ADAMTS13: variants seen among roughly 807,000 people sequenced by gnomAD.
The protein encoded by ADAMTS13 is A disintegrin and metalloproteinase with thrombospondin motifs 13.
A neutral mutation model predicts 155.1 loss-of-function variants in ADAMTS13; 110 were observed. The ratio of observed to expected loss-of-function variants is 0.71; its 90% CI spans 0.61 to 0.83. ADAMTS13 has a LOEUF of 0.83. Ranked by LOEUF, ADAMTS13 falls within the 40% of genes least tolerant of loss-of-function variation. The pLI, the probability that ADAMTS13 is intolerant of heterozygous loss-of-function variation, is 0.00. For synonymous variants in ADAMTS13, 758 were observed against 756.4 expected (o/e 1.00, Z -0.03); for missense variants, 1,707 against 1,891.7 (o/e 0.90, Z 1.81).
At chr9:133,448,755 C>G (rs782186092) in intron 22 of ADAMTS13, 27 bp downstream of exon 22, 25 of 1,596,022 alleles carry the variant, frequency 1.6e-5, no homozygotes, top group Non-Finnish European at 2.0e-5. Context: ...AGACTGTGTG[C>G]TGGCCTTCTC....
chr9:133,426,314 G>C lies in ADAMTS13; in HGVS notation c.655G>C (p.Gly219Arg). 6.2e-7 allele frequency: 1 copy of C among 1,604,244 alleles called. No individual in the cohort carries two copies. Among genetic ancestry groups the C allele is most frequent in the Non-Finnish European group, 8.5e-7 (1 of 1,179,964 alleles). The part of the protein sequence containing the change: ...LITEDTGFDL[G>R]VTIAHEIGHS... ...TACCGAGGACACTGGCTTCGACCTG[G>C]GAGTCACCATTGCCCATGAGATTGG... Residue 219 changes from glycine (G) to arginine (R), a missense_variant, in exon 6 of 29, where the codon GGA becomes CGA. Coordinates refer to ENST00000355699, the MANE Select transcript of ADAMTS13 (RefSeq NM_139027.6).
chr9:133,448,860 T>G, intron 22 of ADAMTS13, 132 bp downstream of exon 22: 3 of 1,400,642 alleles, frequency 2.1e-6, no homozygotes, highest in Non-Finnish European at 2.9e-6. Context: ...GGCTGGACCA[T>G]GGCCGCCCCA....
chr9:133,455,182 C>CTT, intron 24 of ADAMTS13, 103 bp from the exon 25 acceptor site: 2 of 1,324,558 alleles, frequency 1.5e-6, no homozygotes, highest in Non-Finnish European at 2.1e-6. Flanking sequence ...TGCCTCCCAG[C>CTT]TTGTACAAGG....
Position 133,437,030 on chromosome 9 carries a change from G to T in ADAMTS13, c.1435+75G>T, listed in dbSNP as rs1342751397. 10 of 1,523,592 alleles carry T rather than the reference G, an allele frequency of 6.6e-6. No individual in the cohort carries two copies. In the Admixed American group the frequency reaches 1.6e-4, roughly 24 times the overall value. 94.4% of individuals were successfully genotyped at this position (1,523,592 alleles called of 1,614,324 possible). ...CTCGGACAGGGCAGAGTCATAGGGG[G>T]GTTGGCCTACTATCCCTCCAGCACT... On this transcript the variant is annotated intron_variant, in intron 12 of 28. Coordinates refer to ENST00000355699, the MANE Select transcript of ADAMTS13 (RefSeq NM_139027.6).
rs1184038897 is a variant in ADAMTS13 at position 133,441,992 on chromosome 9, A to G, written c.1969-407A>G. On this transcript the variant is annotated intron_variant, in intron 16 of 28. Transcript: ENST00000355699. This position sits in a 1 kb window ranked among gnomAD's most constrained non-coding sequence, Gnocchi z 5.0. ...CATGTAACCCACCAATGACTTGGTA[A>G]TTACCTCCCCGAGCCCTCTATCCCA... Among the ~76,000 whole-genome samples the G allele has an allele frequency of 6.6e-6, 1 of 152,074 alleles. No homozygotes were observed.
intron 23 of ADAMTS13, among the ~76,000 whole-genome samples, chr9:133,454,121 T>C (rs1291397895): frequency 6.6e-6 from 1 of 152,044 alleles, no homozygotes; most frequent in Non-Finnish European, 1.5e-5. Context: ...GTTACTTGGG[T>C]CCATAGGCAA....
At chr9:133,429,150 TCCGTCCCAACCCCTGCACCCACCCCC>T (rs927270236) in intron 7 of ADAMTS13, among the ~76,000 whole-genome samples, 1 of 8,758 alleles carries the variant, frequency 1.1e-4, no homozygotes, top group Non-Finnish European at 2.7e-4. Context: ...CGCCCACCCC[TCCGTCCCAACCCCTGCACCCACCCCC>T]CCGTCCCACC....
upstream of ADAMTS13, among the ~76,000 whole-genome samples, chr9:133,418,667 G>A (rs902782812): frequency 2.0e-5 from 3 of 152,172 alleles, no homozygotes; most frequent in African/African-American, 7.2e-5. Flanking sequence ...CAGGGGGTAC[G>A]TGACTGGGGG....
At chr9:133,449,411 G>A (rs1413311056) in intron 22 of ADAMTS13, among the ~76,000 whole-genome samples, 2 of 134,998 alleles carry the variant, frequency 1.5e-5, no homozygotes, top group Non-Finnish European at 1.6e-5. Context: ...GTGCGATGCA[G>A]CCAAACACAG....
intron 8 of ADAMTS13, among the ~76,000 whole-genome samples, chr9:133,432,046 C>T (rs587674754): frequency 1.3e-5 from 2 of 152,122 alleles, no homozygotes; most frequent in Non-Finnish European, 2.9e-5. Context: ...GGCGGATCAC[C>T]TGAGGTCGGG....
Position 133,440,392 on chromosome 9 carries a change from C to T in ADAMTS13, c.1835C>T (p.Ser612Phe), listed in dbSNP as rs782219285. 6.2e-7 allele frequency: 1 copy of T among 1,613,932 alleles called. No individual in the cohort carries two copies. The highest frequency in any genetic ancestry group is 1.1e-5 in the South Asian group (1 of 91,090). Residue 612 changes from serine to phenylalanine, a missense_variant, in exon 16 of 29, where the codon TCC becomes TTC. By Grantham distance (155) the Ser-to-Phe change is radical (BLOSUM62 -2). This residue lies in a region of ADAMTS13 where 961 missense variants were observed against 1,107.9 expected (regional missense o/e 0.87). Coordinates refer to ENST00000355699, the MANE Select transcript of ADAMTS13 (RefSeq NM_139027.6). The surrounding 1 kb of genome is among the most constrained non-coding windows in gnomAD (Gnocchi z 4.3). Reference protein sequence around the residue: ...RYVVAGKMSISPNTTYPSLLE... With the variant: ...RYVVAGKMSIFPNTTYPSLLE... The stretch of plus-strand genomic sequence containing the variant: ...GTCGTGGCTGGGAAGATGAGCATCT[C>T]CCCTAACACCACCTACCCCTCCCTC...
At chr9:133,414,393 G>C (rs1369555798) in exon 1 of ADAMTS13, 2 of 653,072 alleles carry the variant, frequency 3.1e-6, no homozygotes, top group Non-Finnish European at 5.6e-6. Context: ...CTCATACTTG[G>C]GTCTTTCTGG....
chr9:133,417,803 G>A (rs1554782042), upstream of ADAMTS13: 3 of 1,607,084 alleles, frequency 1.9e-6, no homozygotes, highest in South Asian at 3.3e-5. Flanking sequence ...CCACGGGGCT[G>A]CTCGGGGCGC....
Position 133,425,239 on chromosome 9 carries a change from G to A in ADAMTS13, c.331-290G>A, listed in dbSNP as rs1264222590. 1.3e-5 allele frequency among the ~76,000 whole-genome samples: 2 copies of A among 152,206 alleles called. No individual in the cohort carries two copies. The highest frequency in any genetic ancestry group is 4.8e-5 in the African/African-American group (2 of 41,444). On this transcript the variant is annotated intron_variant, in intron 3 of 28. Transcript: ENST00000355699. The surrounding 1 kb of genome is among the most constrained non-coding windows in gnomAD (Gnocchi z 4.6). The stretch of plus-strand genomic sequence containing the variant: ...GAGCCTGCGATCTGAGAGGAGCAGC[G>A]TTTGACCGGAATATCCGACTCGTGA...
At chr9:133,450,453 A>G (rs1554794048) in intron 23 of ADAMTS13, among the ~76,000 whole-genome samples, 1 of 151,184 alleles carries the variant, frequency 6.6e-6, no homozygotes, top group East Asian at 2.0e-4. Flanking sequence ...CTGTAATCCC[A>G]GTTACTTGGG....
chr9:133,428,156 C>CG (rs11437606), intron 6 of ADAMTS13, among the ~76,000 whole-genome samples: 22,597 of 152,152 alleles, frequency 0.15, 1,872 homozygotes, highest in African/African-American at 0.22. Flanking sequence ...GGAAACGGTT[C>CG]ACCTTCCTGG....
At chr9:133,418,257 G>A (rs932237473), upstream of ADAMTS13, among the ~76,000 whole-genome samples, 2 of 152,254 alleles carry the variant, frequency 1.3e-5, no homozygotes, top group Non-Finnish European at 2.9e-5. Context: ...GGGCCGCTGT[G>A]TGTGTAGCAC....
Position 133,440,755 on chromosome 9 carries a change from G to A in ADAMTS13, c.1968+230G>A, listed in dbSNP as rs182365700. Among the ~76,000 whole-genome samples, 2 of 152,316 alleles carry A rather than the reference G, an allele frequency of 1.3e-5. No homozygotes were observed. Among genetic ancestry groups the A allele is most frequent in the East Asian group, 3.9e-4 (2 of 5,176 alleles). ...ATGTGCCTGTGCCCAGAGCCCGTGG[G>A]AGAAGGCCCTGCAGTTCTGGGATCA... On this transcript the variant is annotated intron_variant, in intron 16 of 28. Transcript: ENST00000355699. This position sits in a 1 kb window ranked among gnomAD's most constrained non-coding sequence, Gnocchi z 4.3.
chr9:133,422,098 G>A (rs782661656), upstream of ADAMTS13: 13 of 329,960 alleles, frequency 3.9e-5, no homozygotes, highest in Admixed American at 1.4e-4. Flanking sequence ...GTGAACCCCC[G>A]TCTGTGGGTT....
Sources: gnomAD v4.1 joint callset for allele counts (sites outside exome capture counted in the v4.1 genomes callset) on GRCh38, gnomAD v4.1.1 for gene constraint, gnomAD v4.1.1 regional missense constraint, Gnocchi (gnomAD v3.1) non-coding constraint, MANE v1.5 for transcripts, NCBI Gene and HGNC (gene_info 2026-07-23, HGNC 2026-07-21) for gene names.